Variants in PLCE1 observed in about 807,000 individuals in gnomAD.
PLCE1 encodes 1-phosphatidylinositol 4,5-bisphosphate phosphodiesterase epsilon-1.
PLCE1 carries 119 observed loss-of-function variants against 242.8 expected under a neutral mutation model. That is an observed-to-expected ratio of 0.49 (90% CI 0.42 to 0.57). The LOEUF (loss-of-function observed/expected upper bound fraction) is 0.57. Among genes scored for constraint, PLCE1 ranks in the 20% least tolerant of loss-of-function variants. The probability of loss-of-function intolerance (pLI) is 0.00; values close to 1 mark genes in which losing one functional copy is unlikely to be tolerated. For missense variants in PLCE1, 2,441 were observed against 2,788.8 expected (o/e 0.88, Z 2.81); for synonymous variants, 945 against 1,017.4 (o/e 0.93, Z 1.35).
intron 1 of PLCE1, among the ~76,000 whole-genome samples, chr10:94,020,725 T>C (rs545990730): frequency 1.3e-5 from 2 of 152,204 alleles, no homozygotes; most frequent in East Asian, 3.9e-4. Context: ...TGTAGGCTAT[T>C]TGCATTTATT....
intron 3 of PLCE1, among the ~76,000 whole-genome samples, chr10:94,168,331 A>G (rs1470601566): frequency 6.6e-6 from 1 of 152,254 alleles, no homozygotes; most frequent in South Asian, 2.1e-4. Flanking sequence ...TATGGAACTT[A>G]GAAGACAAAG....
In PLCE1 at chr10:94,244,393, C is replaced by T. The variant is rs566036922; in HGVS notation, c.2421-1553C>T. 2.6e-5 allele frequency among the ~76,000 whole-genome samples: 4 copies of T among 152,248 alleles called. No individual in the cohort carries two copies. The South Asian group carries it at 8.3e-4, about 32-fold the overall frequency. On this transcript the variant is annotated intron_variant, in intron 7 of 32. Coordinates refer to ENST00000371380, the MANE Select transcript of PLCE1 (RefSeq NM_016341.4). The stretch of plus-strand genomic sequence containing the variant: ...ATGTCTGTGGACCAAATAGCAGAAA[C>T]CTTGATCTTACTAACAACTTCCTAT...
intron 3 of PLCE1, among the ~76,000 whole-genome samples, chr10:94,150,769 A>G (rs1414535066): frequency 1.3e-5 from 2 of 152,200 alleles, no homozygotes; most frequent in Non-Finnish European, 2.9e-5. Flanking sequence ...ATCCCACTTC[A>G]GAGCCCATGC....
intron 11 of PLCE1, among the ~76,000 whole-genome samples, chr10:94,255,910 ACACACTCTCTCTCTCTCTCTCTCT>A (rs922885026): frequency 8.7e-5 from 8 of 92,050 alleles, no homozygotes; most frequent in African/African-American, 3.6e-4. Context: ...ACACACACAC[ACACACTCTCTCTCTCTCTCTCTCT>A]CTCTCTCTCT....
chr10:94,189,010 A>AT (rs1292534329), intron 4 of PLCE1, among the ~76,000 whole-genome samples: 1 of 150,916 alleles, frequency 6.6e-6, no homozygotes, highest in African/African-American at 2.4e-5. Flanking sequence ...AAAAAAAAAA[A>AT]AAAAAAAAAA....
At chr10:94,160,451 CT>C (rs2047573383) in intron 3 of PLCE1, among the ~76,000 whole-genome samples, 1 of 152,176 alleles carries the variant, frequency 6.6e-6, no homozygotes, top group Non-Finnish European at 1.5e-5. Flanking sequence ...ACTTTGCCCA[CT>C]TTTTGATGGG....
At chr10:94,039,843 C>T (rs1283275116) in intron 2 of PLCE1, among the ~76,000 whole-genome samples, 1 of 152,184 alleles carries the variant, frequency 6.6e-6, no homozygotes, top group Non-Finnish European at 1.5e-5. Flanking sequence ...ATTTGTATAT[C>T]ATAGAAATGT....
intron 1 of PLCE1, among the ~76,000 whole-genome samples, chr10:94,030,373 T>C (rs1046857525): frequency 4.6e-5 from 7 of 152,090 alleles, no homozygotes; most frequent in African/African-American, 1.7e-4. Flanking sequence ...TTCTTTTTTT[T>C]TTCTTCTTTC....
intron 22 of PLCE1, among the ~76,000 whole-genome samples, chr10:94,287,887 C>T (rs1040334744): frequency 1.3e-5 from 2 of 152,028 alleles, no homozygotes; most frequent in Non-Finnish European, 2.9e-5. Context: ...TGTTCTCAAC[C>T]TTGCCTGGCC....
chr10:94,186,791 A>C (rs2048492146), intron 4 of PLCE1, among the ~76,000 whole-genome samples: 2 of 152,232 alleles, frequency 1.3e-5, no homozygotes, highest in Non-Finnish European at 2.9e-5. Context: ...TTATCTTATC[A>C]AAAGGGAAAA....
intron 3 of PLCE1, among the ~76,000 whole-genome samples, chr10:94,143,548 G>A (rs2047032038): frequency 6.6e-6 from 1 of 152,148 alleles, no homozygotes; most frequent in African/African-American, 2.4e-5. Context: ...ATAATAACAT[G>A]TGGGTCAGTA....
rs1467816247 is a variant in PLCE1 at position 94,128,264 on chromosome 10, GTGTGAGCCAC to G, written c.1207-3905_1207-3896del. ...GCCTCCCAAAGTGCTGGGATTACAG[GTGTGAGCCAC>G]TGTGCCTGATCAATACCTTGATTTT... On this transcript the variant is annotated intron_variant, in intron 2 of 32. Coordinates refer to ENST00000371380, the MANE Select transcript of PLCE1 (RefSeq NM_016341.4). Among the ~76,000 whole-genome samples, 4 of 152,330 alleles carry G rather than the reference GTGTGAGCCAC, an allele frequency of 2.6e-5. No homozygotes were observed. The East Asian group carries it at 7.7e-4, about 29-fold the overall frequency.
At chr10:94,293,427 A>G in intron 22 of PLCE1, 81 bp from the exon 23 acceptor site, 1 of 1,511,674 alleles carries the variant, frequency 6.6e-7, no homozygotes, top group Non-Finnish European at 9.2e-7. Context: ...GGACTTCAAA[A>G]TAAATATTAA....
chr10:94,116,853 C>T (rs1489212981), intron 2 of PLCE1, among the ~76,000 whole-genome samples: 2 of 152,150 alleles, frequency 1.3e-5, no homozygotes, highest in Non-Finnish European at 2.9e-5. Flanking sequence ...TCCCTGGCCT[C>T]ATGTTGAAGA....
intron 7 of PLCE1, among the ~76,000 whole-genome samples, chr10:94,239,377 C>T (rs570604807): frequency 6.6e-6 from 1 of 152,298 alleles, no homozygotes; most frequent in Non-Finnish European, 1.5e-5. Context: ...GTTCCTCCTG[C>T]GTTCATTCTT....
chr10:94,041,773 T>C (rs1037642371), intron 2 of PLCE1, among the ~76,000 whole-genome samples: 5 of 152,018 alleles, frequency 3.3e-5, no homozygotes, highest in Non-Finnish European at 7.4e-5. Context: ...TCGTTGTAAG[T>C]TGGGGAGATC....
At chr10:94,249,352 T>C (rs1159764573) in intron 8 of PLCE1, among the ~76,000 whole-genome samples, 3 of 152,172 alleles carry the variant, frequency 2.0e-5, no homozygotes, top group Non-Finnish European at 2.9e-5. Flanking sequence ...AAATCTTTTG[T>C]TAATGTTTAA....
intron 3 of PLCE1, chr10:94,138,354 A>G (rs534891327): frequency 3.1e-5 from 12 of 387,198 alleles, no homozygotes; most frequent in Non-Finnish European, 5.6e-5. Context: ...GTGTCCTTTC[A>G]TAAATGAGGA....
intron 3 of PLCE1, among the ~76,000 whole-genome samples, chr10:94,147,121 T>C (rs2047137542): frequency 6.6e-6 from 1 of 152,174 alleles, no homozygotes; most frequent in Non-Finnish European, 1.5e-5. Flanking sequence ...CCAGTTTTTT[T>C]TTCAAGTTGA....
Sources: gnomAD v4.1 joint callset for allele counts (sites outside exome capture counted in the v4.1 genomes callset) on GRCh38, gnomAD v4.1.1 for gene constraint, MANE v1.5 for transcripts, NCBI Gene and HGNC (gene_info 2026-07-23, HGNC 2026-07-21) for gene names.